The following PARM1 variants were observed in gnomAD, a reference collection of about 807,000 sequenced individuals.
PARM1 encodes prostate androgen-regulated mucin-like protein 1.
A neutral mutation model predicts 24.6 loss-of-function variants in PARM1; 14 were observed. The ratio of observed to expected loss-of-function variants is 0.57; its 90% CI spans 0.38 to 0.89. The LOEUF (loss-of-function observed/expected upper bound fraction) is 0.89. PARM1 is among the 40% of genes least tolerant of loss of function. The pLI is 0.00. For missense variants in PARM1, 362 were observed against 380.4 expected (o/e 0.95, Z 0.40); for synonymous variants, 179 against 156.6 (o/e 1.14, Z -1.07).
intron 2 of PARM1, among the ~76,000 whole-genome samples, chr4:75,027,057 C>T (rs188366964): frequency 6.6e-6 from 1 of 152,296 alleles, no homozygotes; most frequent in East Asian, 1.9e-4. Context: ...CAGAGAACAG[C>T]TTCATTCCCA....
chr4:75,039,249 C>T (rs111580555), intron 3 of PARM1, among the ~76,000 whole-genome samples: 5 of 152,078 alleles, frequency 3.3e-5, no homozygotes, highest in South Asian at 4.2e-4. Flanking sequence ...ACACAGTTTC[C>T]GGCCGGGTGT....
intron 1 of PARM1, among the ~76,000 whole-genome samples, chr4:75,004,278 G>A (rs1722732828): frequency 6.6e-6 from 1 of 152,174 alleles, no homozygotes; most frequent in African/African-American, 2.4e-5. Context: ...AAGACACAAA[G>A]AACAAGTTTA....
At chr4:75,028,309 G>C (rs544516593) in intron 2 of PARM1, among the ~76,000 whole-genome samples, 1 of 152,210 alleles carries the variant, frequency 6.6e-6, no homozygotes, top group Admixed American at 6.5e-5. Context: ...AGTTCTAACT[G>C]TCAAGCCCTC....
intron 1 of PARM1, among the ~76,000 whole-genome samples, chr4:74,992,247 T>C (rs554599770): frequency 1.5e-4 from 23 of 152,198 alleles, no homozygotes; most frequent in African/African-American, 4.6e-4. Flanking sequence ...CGTCACAATG[T>C]CTCTCACCTA....
At position 75,013,242 on chromosome 4, in the gene PARM1, T is replaced by C. The variant is rs1476859716; in HGVS notation, c.769+92T>C. 4.0e-5 allele frequency: 54 copies of C among 1,343,828 alleles called. No individual in the cohort carries two copies. The East Asian group carries it at 1.2e-3, about 31-fold the overall frequency. 83.2% of individuals were successfully genotyped at this position (1,343,828 alleles called of 1,614,324 possible). The stretch of plus-strand genomic sequence containing the variant: ...ACCAAACACAATGGAAAATTTGAAT[T>C]TTGGAGTGTAACACCTAAGTTGAAT... On this transcript the variant is annotated intron_variant, in intron 2 of 3. Coordinates refer to ENST00000307428, the MANE Select transcript of PARM1 (RefSeq NM_015393.4).
At chr4:74,994,710 T>C (rs1221678625) in intron 1 of PARM1, among the ~76,000 whole-genome samples, 1 of 151,878 alleles carries the variant, frequency 6.6e-6, no homozygotes, top group Non-Finnish European at 1.5e-5. Context: ...GGAGAATTGC[T>C]TGAACCCAGG....
chr4:74,955,348 G>A (rs1302621241), intron 1 of PARM1, among the ~76,000 whole-genome samples: 4 of 152,100 alleles, frequency 2.6e-5, no homozygotes, highest in African/African-American at 4.8e-5. Flanking sequence ...GATCATTAGT[G>A]TCTGCTCTTC....
At chr4:75,033,830 T>A (rs1337664349) in intron 2 of PARM1, 53 bp from the exon 3 acceptor site, 2 of 1,458,348 alleles carry the variant, frequency 1.4e-6, no homozygotes, top group East Asian at 2.5e-5. Context: ...CAAAGTCACA[T>A]GATGCCCCGT....
intron 1 of PARM1, among the ~76,000 whole-genome samples, chr4:74,989,398 T>G (rs1722419182): frequency 6.6e-6 from 1 of 152,134 alleles, no homozygotes. Context: ...AGGAAAACAC[T>G]TACATTTACC....
chr4:75,010,942 C>T (rs978254302), intron 1 of PARM1, among the ~76,000 whole-genome samples: 1 of 152,202 alleles, frequency 6.6e-6, no homozygotes, highest in Non-Finnish European at 1.5e-5. Flanking sequence ...ACAGCACCAG[C>T]ATCTACTCAG....
chr4:74,955,147 A>G (rs1487095943), intron 1 of PARM1, among the ~76,000 whole-genome samples: 1 of 152,146 alleles, frequency 6.6e-6, no homozygotes, highest in Non-Finnish European at 1.5e-5. Flanking sequence ...TTTAACAGGG[A>G]GGATAAATGA....
intron 1 of PARM1, among the ~76,000 whole-genome samples, chr4:74,974,068 T>A (rs1194365529): frequency 6.6e-6 from 1 of 152,154 alleles, no homozygotes; most frequent in Non-Finnish European, 1.5e-5. Context: ...TGATTTAGTT[T>A]AAGGACCAGA....
At chr4:75,045,900 A>G (rs1265614343) in intron 3 of PARM1, among the ~76,000 whole-genome samples, 1 of 152,064 alleles carries the variant, frequency 6.6e-6, no homozygotes, top group Non-Finnish European at 1.5e-5. Flanking sequence ...CTTCCCCAGC[A>G]CTTGGGATCC....
intron 1 of PARM1, among the ~76,000 whole-genome samples, chr4:74,976,421 G>T (rs540825477): frequency 6.6e-6 from 1 of 152,274 alleles, no homozygotes; most frequent in South Asian, 2.1e-4. Context: ...AGCAATTCTA[G>T]CCAGGGGTTT....
intron 1 of PARM1, among the ~76,000 whole-genome samples, chr4:74,951,821 T>C (rs1441500411): frequency 1.3e-5 from 2 of 152,232 alleles, no homozygotes. Context: ...CTACATTTTC[T>C]TTATCCAGTC....
intron 1 of PARM1, among the ~76,000 whole-genome samples, chr4:75,000,631 A>C (rs1252602566): frequency 1.3e-5 from 2 of 152,222 alleles, no homozygotes; most frequent in Middle Eastern, 3.2e-3. Flanking sequence ...CAGATGTCTC[A>C]TAGCGTATGT....
At chr4:75,001,923 G>T (rs1211206898) in intron 1 of PARM1, among the ~76,000 whole-genome samples, 1 of 152,178 alleles carries the variant, frequency 6.6e-6, no homozygotes, top group Non-Finnish European at 1.5e-5. Context: ...TGGCAGTGAA[G>T]CCAACATGAA....
intron 1 of PARM1, among the ~76,000 whole-genome samples, chr4:74,945,888 T>G (rs139032008): frequency 3.3e-5 from 5 of 152,328 alleles, no homozygotes; most frequent in East Asian, 1.9e-4. Context: ...GATATGTTAT[T>G]AATACTCTAT....
intron 1 of PARM1, among the ~76,000 whole-genome samples, chr4:74,961,507 A>G (rs1371737117): frequency 6.6e-6 from 1 of 152,236 alleles, no homozygotes; most frequent in Non-Finnish European, 1.5e-5. Flanking sequence ...ACCAAAGCAC[A>G]TTATAATCAG....
Sources: gnomAD v4.1 joint callset for allele counts (sites outside exome capture counted in the v4.1 genomes callset) on GRCh38, gnomAD v4.1.1 for gene constraint, MANE v1.5 for transcripts, NCBI Gene and HGNC (gene_info 2026-07-23, HGNC 2026-07-21) for gene names.